The following ZZEF1 variants were observed in gnomAD, a reference collection of about 807,000 sequenced individuals.
ZZEF1 encodes the protein zinc finger ZZ-type and EF-hand domain-containing protein 1.
Under a neutral mutation model 342.8 loss-of-function variants are expected in ZZEF1, and 157 were observed. That is an observed-to-expected ratio of 0.46 (90% CI 0.40 to 0.52). The LOEUF (loss-of-function observed/expected upper bound fraction) is 0.52. Among genes scored for constraint, ZZEF1 ranks in the 20% least tolerant of loss-of-function variants. The pLI, the probability that ZZEF1 is intolerant of heterozygous loss-of-function variation, is 0.00. For missense variants in ZZEF1, 3,480 were observed against 3,725.6 expected (o/e 0.93, Z 1.72); for synonymous variants, 1,505 against 1,429.1 (o/e 1.05, Z -1.20).
rs191744471 is a variant in ZZEF1, at chr17:4,023,405, A to G, written c.7093-577T>C. ...ATCTGGCCCTTGGTGCTCAACAAAT[A>G]TTTGCTGAATGAAGGATTCAAAGAC... On this transcript the variant is annotated intron_variant, in intron 43 of 54. Transcript: ENST00000381638. 5.3e-5 allele frequency among the ~76,000 whole-genome samples: 8 copies of G among 152,208 alleles called. No homozygotes were observed. In the South Asian group the frequency reaches 8.3e-4, roughly 16 times the overall value.
At position 4,062,771 on chromosome 17, in the gene ZZEF1, C is replaced by T; in HGVS notation, c.4865G>A (p.Cys1622Tyr). Residue 1622 changes from cysteine to tyrosine, a missense_variant, in exon 30 of 55, where the codon TGT becomes TAT. Cys to Tyr is a radical substitution (Grantham distance 194, BLOSUM62 -2). Around this residue, in one of 5 missense-constraint regions of ZZEF1, gnomAD observed 1,528 missense variants for 1,624.1 expected, o/e 0.94. Coordinates refer to ENST00000381638, the MANE Select transcript of ZZEF1 (RefSeq NM_015113.4). ...FILFLLELLT[C>Y]QKDFTNYFGH... is the part of the protein sequence containing the mutation. ...TACTTACTTGGTAAAATCTTTCTGA[C>T]AGGTCAGAAGTTCCAACAGGAAAAG... 5 of 1,608,414 alleles carry T rather than the reference C, an allele frequency of 3.1e-6. No homozygotes were observed. Among genetic ancestry groups the T allele is most frequent in the Non-Finnish European group, 3.4e-6 (4 of 1,177,040 alleles).
rs188998639 is a variant in ZZEF1, at chr17:4,077,165, G to C, written c.2990-176C>G. Reference sequence around the variant, plus strand: ...TTCCTCCTGGAGGAAGAAGCAGTGCGAATTTCAGTACAAGACTCACTTTTA... The same window carrying C: ...TTCCTCCTGGAGGAAGAAGCAGTGCCAATTTCAGTACAAGACTCACTTTTA... On this transcript the variant is annotated intron_variant, in intron 19 of 54. Coordinates refer to ENST00000381638, the MANE Select transcript of ZZEF1 (RefSeq NM_015113.4). Among the ~76,000 whole-genome samples, 240 of 151,730 alleles carry C rather than the reference G, an allele frequency of 1.6e-3. 1 individual carries two copies. Among genetic ancestry groups the C allele is most frequent in the African/African-American group, 5.7e-3 (234 of 41,274 alleles).
intron 2 of ZZEF1, among the ~76,000 whole-genome samples, chr17:4,123,142 G>T (rs1380371821): frequency 6.7e-6 from 1 of 149,780 alleles, no homozygotes; most frequent in African/African-American, 2.5e-5. Context: ...GAATGATCTC[G>T]ATCTCCTGAC....
chr17:4,013,594 T>C lies in ZZEF1; in HGVS notation c.8434A>G (p.Met2812Val), dbSNP rs149923019. The C allele has an allele frequency of 6.2e-7, 1 of 1,612,878 alleles. No individual in the cohort carries two copies. Among genetic ancestry groups the C allele is most frequent in the African/African-American group, 1.3e-5 (1 of 75,008 alleles). The change falls in exon 52 of 55, where the codon ATG (methionine) becomes GTG (valine). Residue 2812 changes from methionine (M) to valine (V), a missense_variant. Physicochemically the swap from Met to Val is conservative, Grantham distance 21 (BLOSUM62 1). Transcript: ENST00000381638. ...GGCACGACCCTTTCTTCTGACAACA[T>C]CTGCTTCAAAATCTCGAATCCTGGC... ...FQTGFEILKQMLSEERVVPHL... is the reference protein window; with the variant it reads ...FQTGFEILKQVLSEERVVPHL...
At position 4,067,152 on chromosome 17, in the gene ZZEF1, G is replaced by T; in HGVS notation, c.4155+11C>A. The T allele has an allele frequency of 6.2e-7, 1 of 1,609,224 alleles. No homozygotes were observed. The highest frequency in any genetic ancestry group is 8.5e-7 in the Non-Finnish European group (1 of 1,177,378). ...AAAATATAGCAAAATCACATGCAAA[G>T]AAAATCTTACCATCCATATTCGAAT... On this transcript the variant is annotated intron_variant, in intron 27 of 54. Coordinates refer to ENST00000381638, the MANE Select transcript of ZZEF1 (RefSeq NM_015113.4).
rs529073938 is a variant in ZZEF1 at position 4,095,643 on chromosome 17, A to T, written c.1913+188T>A. Among the ~76,000 whole-genome samples the T allele has an allele frequency of 5.9e-5, 9 of 152,338 alleles. No homozygotes were observed. The South Asian group carries it at 1.7e-3, about 28-fold the overall frequency. ...CTGAGTAACATGCTATGAACAAATT[A>T]ACATACACATCTTCAGATATGCTAC... On this transcript the variant is annotated intron_variant, in intron 11 of 54. Transcript: ENST00000381638.
Position 4,014,464 on chromosome 17 carries a change from G to C in ZZEF1, c.8197C>G (p.Gln2733Glu). The change falls in exon 50 of 55, where the codon CAG becomes GAG. Residue 2733 changes from glutamine (Q) to glutamate (E), a missense_variant. Physicochemically the swap from Gln to Glu is conservative, Grantham distance 29 (BLOSUM62 2). Transcript: ENST00000381638. This position sits in a 1 kb window ranked among gnomAD's most constrained non-coding sequence, Gnocchi z 4.4. ...TCACAGCCCTCCTCTGTGTTGCACT[G>C]AGAGTCGAATTTGATTGAGAGGTAG... ...AIYLSIKFDS[Q>E]CNTEEGCDEL... is the part of the protein sequence containing the mutation. 1 of 1,614,238 alleles carries C rather than the reference G, an allele frequency of 6.2e-7. No homozygotes were observed. Among genetic ancestry groups the C allele is most frequent in the South Asian group, 1.1e-5 (1 of 91,084 alleles).
At chr17:4,104,558 T>G in intron 8 of ZZEF1, 75 bp downstream of exon 8, 1 of 1,505,044 alleles carries the variant, frequency 6.6e-7, no homozygotes, top group Non-Finnish European at 9.1e-7. Flanking sequence ...TACCAGGAGG[T>G]CATATGGCGA....
Position 4,087,783 on chromosome 17 carries a change from A to AACACACACACACACAC in ZZEF1, c.2242-265_2242-250dup, listed in dbSNP as rs10522603. 8.9e-3 allele frequency among the ~76,000 whole-genome samples: 1,301 copies of AACACACACACACACAC among 146,036 alleles called. 15 individuals carry two copies. Among genetic ancestry groups the AACACACACACACACAC allele is most frequent in the African/African-American group, 0.025 (956 of 38,206 alleles). On this transcript the variant is annotated intron_variant, in intron 13 of 54. Coordinates refer to ENST00000381638, the MANE Select transcript of ZZEF1 (RefSeq NM_015113.4). ...TAAGTGTATATAGATATATACACAC[A>AACACACACACACACAC]ACACACACACACACACACACACACA... is the stretch of plus-strand genomic sequence containing the variant.
In ZZEF1 at chr17:4,099,121, A is replaced by G. The variant is rs190672052; in HGVS notation, c.1673-2421T>C. 3.0e-4 allele frequency among the ~76,000 whole-genome samples: 45 copies of G among 152,212 alleles called. No individual in the cohort carries two copies. In the East Asian group the frequency reaches 8.5e-3, roughly 29 times the overall value. Reference sequence around the variant, plus strand: ...ACACTGCCACCAAATATGCAATGACATTTTTTCAGAAAGGCAAAACAAAAA... The same window carrying G: ...ACACTGCCACCAAATATGCAATGACGTTTTTTCAGAAAGGCAAAACAAAAA... On this transcript the variant is annotated intron_variant, in intron 9 of 54. Coordinates refer to ENST00000381638, the MANE Select transcript of ZZEF1 (RefSeq NM_015113.4).
intron 2 of ZZEF1, among the ~76,000 whole-genome samples, chr17:4,120,018 C>A (rs1390622817): frequency 6.6e-6 from 1 of 152,202 alleles, no homozygotes; most frequent in East Asian, 1.9e-4. Context: ...AAACAGCCAA[C>A]TCCCAAAACT....
intron 44 of ZZEF1, 45 bp from the exon 45 acceptor site, chr17:4,021,365 G>A (rs1488492351): frequency 1.2e-5 from 18 of 1,508,546 alleles, no homozygotes; most frequent in East Asian, 2.3e-5. Flanking sequence ...CTCAGTGGGC[G>A]GGAAGATGGT....
At chr17:4,121,163 A>G (rs535630044) in intron 2 of ZZEF1, among the ~76,000 whole-genome samples, 1 of 152,300 alleles carries the variant, frequency 6.6e-6, no homozygotes, top group South Asian at 2.1e-4. Context: ...GCAGTTGCCC[A>G]GCACAACAGT....
chr17:4,083,377 C>G (rs2057759783), intron 16 of ZZEF1, among the ~76,000 whole-genome samples: 1 of 152,210 alleles, frequency 6.6e-6, no homozygotes, highest in African/African-American at 2.4e-5. Context: ...AGTCCAGTGG[C>G]TCAGGTCAGC....
rs368428872 is a variant in ZZEF1, at chr17:4,014,397, C to G, written c.8264G>C (p.Arg2755Pro). 247 of 1,614,086 alleles carry G rather than the reference C, an allele frequency of 1.5e-4. No homozygotes were observed. The highest frequency in any genetic ancestry group is 2.1e-4 in the Non-Finnish European group (245 of 1,180,056). ...MSSSSDFQQD[R>P]HSFSGSQQKW... The stretch of plus-strand genomic sequence containing the variant: ...CTGCTGAGACCCGCTGAAGCTGTGT[C>G]GGTCTTGCTGGAAGTCACTGCTGCT... Residue 2755 changes from arginine (R) to proline (P), a missense_variant, in exon 50 of 55, where the codon CGA (arginine) becomes CCA (proline). Transcript: ENST00000381638. This position sits in a 1 kb window ranked among gnomAD's most constrained non-coding sequence, Gnocchi z 4.4.
At chr17:4,047,591 C>CA (rs2056947234) in intron 37 of ZZEF1, among the ~76,000 whole-genome samples, 2 of 151,512 alleles carry the variant, frequency 1.3e-5, no homozygotes, top group Admixed American at 1.3e-4. Flanking sequence ...TGCAGTGAGC[C>CA]AAGATCATAC....
At position 4,089,074 on chromosome 17, in the gene ZZEF1, G is replaced by C. The variant is rs2057895491; in HGVS notation, c.2026-181C>G. Among the ~76,000 whole-genome samples, 6 of 152,140 alleles carry C rather than the reference G, an allele frequency of 3.9e-5. No homozygotes were observed. In the South Asian group the frequency reaches 1.2e-3, roughly 32 times the overall value. ...GCATTTACAGTACAGAGAAAAAAAA[G>C]ACAATACAAATGTTGAATAAAGTCA... On this transcript the variant is annotated intron_variant, in intron 12 of 54. Transcript: ENST00000381638.
chr17:4,124,241 G>A (rs1399989552), intron 1 of ZZEF1, among the ~76,000 whole-genome samples, 190 bp from the exon 2 acceptor site: 6 of 152,178 alleles, frequency 3.9e-5, no homozygotes, highest in Admixed American at 6.5e-5. Flanking sequence ...ATGTATGTAT[G>A]CAAGTACACA....
intron 6 of ZZEF1, among the ~76,000 whole-genome samples, chr17:4,106,942 T>C (rs2058222621): frequency 6.6e-6 from 1 of 152,336 alleles, no homozygotes; most frequent in Admixed American, 6.5e-5. Flanking sequence ...GCAAACACTG[T>C]CAGCTCGCAC....
Sources: allele counts gnomAD v4.1 joint callset (sites outside exome capture counted in the v4.1 genomes callset), GRCh38; gene constraint gnomAD v4.1.1; regional missense constraint gnomAD v4.1.1; non-coding constraint Gnocchi (gnomAD v3.1); transcripts MANE v1.5; gene names NCBI Gene and HGNC (gene_info 2026-07-23, HGNC 2026-07-21).